The following TLL1 variants were observed in gnomAD, a reference collection of about 807,000 sequenced individuals.
TLL1 encodes the protein tolloid like 1.
Under a neutral mutation model 128.2 loss-of-function variants are expected in TLL1, and 49 were observed. The observed-to-expected ratio is 0.38, with a 90% CI of 0.30 to 0.48. TLL1 has a LOEUF of 0.48. TLL1 is among the 20% of genes least tolerant of loss of function. TLL1 has a pLI of 0.96. For synonymous variants in TLL1, 454 were observed against 418.8 expected (o/e 1.08, Z -1.03); for missense variants, 1,123 against 1,242.0 (o/e 0.90, Z 1.44).
chr4:165,994,235 C>G lies in TLL1; in HGVS notation c.362-146C>G, dbSNP rs529384853. 8.6e-5 allele frequency: 70 copies of G among 811,502 alleles called. 1 individual carries two copies. The South Asian group carries it at 1.1e-3, about 13-fold the overall frequency. The allele number at this position is 811,502 out of a possible 1,614,324, so 50.3% of individuals were successfully genotyped here. A position where few individuals can be genotyped will look rare whatever the true frequency, so the allele number is the denominator to read the frequency against. On this transcript the variant is annotated intron_variant, in intron 3 of 20. Coordinates refer to ENST00000061240, the MANE Select transcript of TLL1 (RefSeq NM_012464.5). Reference sequence around the variant, plus strand: ...GCTTTTGTTCAAGTATGTAATATAACTGAAGTTTTTCTTTAATGCATTTTG... The same window carrying G: ...GCTTTTGTTCAAGTATGTAATATAAGTGAAGTTTTTCTTTAATGCATTTTG...
Position 166,055,016 on chromosome 4 carries a change from C to A in TLL1, c.1525-60C>A, listed in dbSNP as rs72974379. ...GTATGGCACTGAGAAGACATCTATC[C>A]TCCTATATAAAATGTTTTATCTATA... On this transcript the variant is annotated intron_variant, in intron 12 of 20. Transcript: ENST00000061240. 4,075 of 1,395,432 alleles carry A rather than the reference C, an allele frequency of 2.9e-3. 117 individuals are homozygous for A. The African/African-American group carries it at 0.052, about 18-fold the overall frequency. 86.4% of individuals were successfully genotyped at this position (1,395,432 alleles called of 1,614,324 possible).
At chr4:166,030,579 C>A (rs1738722507) in intron 9 of TLL1, 2 of 549,374 alleles carry the variant, frequency 3.6e-6, no homozygotes, top group South Asian at 3.3e-5. Flanking sequence ...AAATCATGGC[C>A]ATATGTAATG....
At chr4:166,009,195 G>A (rs1187100374) in intron 7 of TLL1, among the ~76,000 whole-genome samples, 11 of 151,360 alleles carry the variant, frequency 7.3e-5, no homozygotes, top group Admixed American at 5.3e-4. Context: ...TAATCATAAA[G>A]AGTTACAGAA....
rs752201200 is a variant in TLL1 at position 165,998,346 on chromosome 4, G to T, written c.632+3168G>T. Among the ~76,000 whole-genome samples the T allele has an allele frequency of 2.6e-5, 4 of 151,794 alleles. No homozygotes were observed. In the Middle Eastern group the frequency reaches 0.014, roughly 520 times the overall value. Reference sequence around the variant, plus strand: ...CTCCTTTTATTAGATAATTTTTGTGGAACAATCTTACTTTTTTTAATCTAC... The same window carrying T: ...CTCCTTTTATTAGATAATTTTTGTGTAACAATCTTACTTTTTTTAATCTAC... On this transcript the variant is annotated intron_variant, in intron 5 of 20. Coordinates refer to ENST00000061240, the MANE Select transcript of TLL1 (RefSeq NM_012464.5).
intron 16 of TLL1, among the ~76,000 whole-genome samples, chr4:166,069,811 G>A (rs1216585115): frequency 6.6e-6 from 1 of 151,628 alleles, no homozygotes; most frequent in African/African-American, 2.4e-5. Context: ...TCATAAAAAT[G>A]CTGTAGCTTA....
chr4:166,020,951 A>G (rs1738199648), intron 8 of TLL1, among the ~76,000 whole-genome samples: 1 of 152,210 alleles, frequency 6.6e-6, no homozygotes. Context: ...TAAACAAAGA[A>G]TACTTATATA....
chr4:165,992,220 G>T (rs912861018), intron 2 of TLL1, among the ~76,000 whole-genome samples: 3 of 151,880 alleles, frequency 2.0e-5, no homozygotes, highest in African/African-American at 7.2e-5. Context: ...ACATTCGTTT[G>T]GATTCCTGTG....
chr4:165,988,787 A>G (rs1157694913), intron 1 of TLL1, among the ~76,000 whole-genome samples: 1 of 152,080 alleles, frequency 6.6e-6, no homozygotes, highest in Non-Finnish European at 1.5e-5. Flanking sequence ...TGACTTAAGT[A>G]TTACTTTTGG....
intron 1 of TLL1, among the ~76,000 whole-genome samples, chr4:165,930,502 C>T (rs1297161055): frequency 6.6e-6 from 1 of 151,972 alleles, no homozygotes; most frequent in Non-Finnish European, 1.5e-5. Context: ...TTTACTGAAA[C>T]ACAGTAAAAT....
chr4:165,943,027 C>T (rs1434250919), intron 1 of TLL1, among the ~76,000 whole-genome samples: 1 of 152,176 alleles, frequency 6.6e-6, no homozygotes, highest in Non-Finnish European at 1.5e-5. Context: ...ATAGGACATT[C>T]AAGTTCCCTT....
rs187606282 is a variant in TLL1, at chr4:166,051,395, G to C, written c.1525-3681G>C. 3.1e-3 allele frequency among the ~76,000 whole-genome samples: 456 copies of C among 146,998 alleles called. 1 individual carries two copies. The highest frequency in any genetic ancestry group is 0.01 in the African/African-American group (409 of 39,612). ...ATTCTTTCTATAAATCATCGCCTTT[G>C]GTGTTCTTTTACTGATGAAGCTTAA... On this transcript the variant is annotated intron_variant, in intron 12 of 20. Coordinates refer to ENST00000061240, the MANE Select transcript of TLL1 (RefSeq NM_012464.5).
At chr4:165,945,048 T>C (rs1487433984) in intron 1 of TLL1, among the ~76,000 whole-genome samples, 2 of 152,098 alleles carry the variant, frequency 1.3e-5, no homozygotes, top group African/African-American at 2.4e-5. Flanking sequence ...AGTCCAGGGA[T>C]AAAGCTTGAG....
At chr4:165,933,464 C>T (rs557775980) in intron 1 of TLL1, among the ~76,000 whole-genome samples, 8 of 152,226 alleles carry the variant, frequency 5.3e-5, no homozygotes, top group African/African-American at 1.7e-4. Flanking sequence ...ATCATCATGG[C>T]GCATCTCGAG....
intron 15 of TLL1, among the ~76,000 whole-genome samples, chr4:166,062,429 T>C (rs878947260): frequency 3.3e-5 from 5 of 152,218 alleles, no homozygotes; most frequent in African/African-American, 1.2e-4. Flanking sequence ...GAAGAGGTCC[T>C]TCACATCCCT....
intron 1 of TLL1, among the ~76,000 whole-genome samples, chr4:165,953,395 T>C (rs1487200646): frequency 6.6e-6 from 1 of 151,988 alleles, no homozygotes; most frequent in East Asian, 1.9e-4. Context: ...TGATGGACTT[T>C]GCCAACACTG....
Position 166,042,057 on chromosome 4 carries a change from T to A in TLL1, c.1292T>A (p.Val431Asp). Reference protein sequence around the residue: ...GRFCGDKLPEVLTSTDSRMWI... With the variant: ...GRFCGDKLPEDLTSTDSRMWI... ...TTCTGTGGGGACAAATTGCCTGAAG[T>A]TCTTACTTCTACAGACAGCAGAATG... The change falls in exon 11 of 21, where the codon GTT becomes GAT. Residue 431 changes from valine to aspartate, a missense_variant. By Grantham distance (152) the Val-to-Asp change is radical (BLOSUM62 -3). Around this residue, in one of 3 missense-constraint regions of TLL1, gnomAD observed 480 missense variants for 542.4 expected, o/e 0.89. Transcript: ENST00000061240. 6.2e-7 allele frequency: 1 copy of A among 1,612,168 alleles called. No individual in the cohort carries two copies. The highest frequency in any genetic ancestry group is 1.1e-5 in the South Asian group (1 of 91,064).
intron 10 of TLL1, among the ~76,000 whole-genome samples, chr4:166,040,245 C>G (rs1739184437): frequency 6.6e-6 from 1 of 152,068 alleles, no homozygotes. Flanking sequence ...ACTGAATGGG[C>G]ACAATTGTAT....
chr4:165,915,027 C>T (rs1174236956), intron 1 of TLL1, among the ~76,000 whole-genome samples: 1 of 152,156 alleles, frequency 6.6e-6, no homozygotes, highest in Non-Finnish European at 1.5e-5. Context: ...ATTGTCTCCC[C>T]ACTCTACTAA....
intron 1 of TLL1, among the ~76,000 whole-genome samples, chr4:165,973,109 G>A (rs1247200302): frequency 6.6e-6 from 1 of 152,064 alleles, no homozygotes; most frequent in East Asian, 1.9e-4. Flanking sequence ...TAGGATATAT[G>A]TATATATGAA....
Sources: gnomAD v4.1 joint callset for allele counts (sites outside exome capture counted in the v4.1 genomes callset) on GRCh38, gnomAD v4.1.1 for gene constraint, gnomAD v4.1.1 regional missense constraint, MANE v1.5 for transcripts, NCBI Gene and HGNC (gene_info 2026-07-23, HGNC 2026-07-21) for gene names.